The following PHACTR4 variants were observed in gnomAD, a reference collection of about 807,000 sequenced individuals.
The protein encoded by PHACTR4 is phosphatase and actin regulator 4.
PHACTR4 carries 51 observed loss-of-function variants against 72.7 expected under a neutral mutation model. The observed-to-expected ratio is 0.70, with a 90% CI of 0.56 to 0.89. The LOEUF (loss-of-function observed/expected upper bound fraction) is 0.89. PHACTR4 is among the 40% of genes least tolerant of loss of function. The pLI is 0.00. For missense variants in PHACTR4, 731 were observed against 861.8 expected (o/e 0.85, Z 1.90); for synonymous variants, 255 against 302.5 (o/e 0.84, Z 1.63).
chr1:28,487,299 G>T (rs1032944954), intron 9 of PHACTR4, among the ~76,000 whole-genome samples: 1 of 151,942 alleles, frequency 6.6e-6, no homozygotes, highest in Non-Finnish European at 1.5e-5. Context: ...CTGGGAGGCG[G>T]AGGTTGCAGT....
chr1:28,382,018 T>C (rs12127928), intron 1 of PHACTR4, among the ~76,000 whole-genome samples: 21,943 of 152,234 alleles, frequency 0.14, 1,925 homozygotes, highest in Non-Finnish European at 0.2. Context: ...TCCACCTGCC[T>C]TGGCCTCCCA....
At chr1:28,479,419 CAAAA>C (rs1019186726) in intron 8 of PHACTR4, among the ~76,000 whole-genome samples, 2 of 61,574 alleles carry the variant, frequency 3.2e-5, no homozygotes, top group Admixed American at 2.0e-4. Context: ...GACTCTGTCG[CAAAA>C]AAAAAAAAAA....
chr1:28,393,902 A>G (rs748886149), intron 1 of PHACTR4, among the ~76,000 whole-genome samples: 19 of 151,658 alleles, frequency 1.3e-4, no homozygotes, highest in African/African-American at 2.7e-4. Flanking sequence ...CTGTAGAGAC[A>G]AGGTTTTGCC....
intron 2 of PHACTR4, among the ~76,000 whole-genome samples, chr1:28,430,270 C>T (rs916119004): frequency 1.3e-5 from 2 of 152,080 alleles, no homozygotes; most frequent in Non-Finnish European, 2.9e-5. Flanking sequence ...GTGATCTGTC[C>T]GCCTCGGCCT....
chr1:28,406,135 T>C (rs1192223462), intron 1 of PHACTR4, among the ~76,000 whole-genome samples: 2 of 152,202 alleles, frequency 1.3e-5, no homozygotes. Context: ...TGTATTAAAA[T>C]TTAGGTTATG....
At chr1:28,406,850 T>TA (rs1654364526) in intron 1 of PHACTR4, among the ~76,000 whole-genome samples, 1 of 152,204 alleles carries the variant, frequency 6.6e-6, no homozygotes, top group Admixed American at 6.6e-5. Flanking sequence ...TGGATAAACT[T>TA]ACAGCTTACT....
chr1:28,480,399 C>A, intron 8 of PHACTR4, 52 bp from the exon 9 acceptor site: 1 of 1,602,130 alleles, frequency 6.2e-7, no homozygotes, highest in Non-Finnish European at 8.5e-7. Flanking sequence ...TAAGGTTGAA[C>A]CTTTGGCTTT....
rs762121195 is a variant in PHACTR4 at position 28,480,942 on chromosome 1, C to T, written c.1760+338C>T. On this transcript the variant is annotated intron_variant, in intron 9 of 13. Coordinates refer to ENST00000373839, the MANE Select transcript of PHACTR4 (RefSeq NM_001048183.3). ...GGCCTCAAGTGATCACCCACCTTGGCCTCCACAAGTGCTGGGATTACAGGC... is the reference window on the plus strand; with the variant it reads ...GGCCTCAAGTGATCACCCACCTTGGTCTCCACAAGTGCTGGGATTACAGGC... Among the ~76,000 whole-genome samples, 5 of 152,280 alleles carry T rather than the reference C, an allele frequency of 3.3e-5. 1 individual carries two copies. Among genetic ancestry groups the T allele is most frequent in the Admixed American group, 3.3e-4 (5 of 15,280 alleles).
intron 1 of PHACTR4, among the ~76,000 whole-genome samples, chr1:28,399,190 T>A (rs1461265762): frequency 6.6e-6 from 1 of 152,064 alleles, no homozygotes; most frequent in African/African-American, 2.4e-5. Context: ...CACATGCCGG[T>A]AATCTCAGCT....
At position 28,500,164 on chromosome 1, in the gene PHACTR4, T is replaced by G. The variant is rs1295775310; in HGVS notation, c.*3615T>G. ...TGTTTTTATGTATATAAAAATGGATTTTGTGTTCCCTTTCCATGTAAGTAC... is the reference window on the plus strand; with the variant it reads ...TGTTTTTATGTATATAAAAATGGATGTTGTGTTCCCTTTCCATGTAAGTAC... On this transcript the variant is annotated 3_prime_UTR_variant, in exon 14 of 14. Transcript: ENST00000373839. The G allele has an allele frequency of 6.6e-6, 1 of 152,154 alleles. No individual in the cohort carries two copies. The highest frequency in any genetic ancestry group is 2.4e-5 in the African/African-American group (1 of 41,450). The allele number at this position is 152,154 out of a possible 1,614,324, so 9.4% of individuals were successfully genotyped here. A position where few individuals can be genotyped will look rare whatever the true frequency, so the allele number is the denominator to read the frequency against.
intron 13 of PHACTR4, among the ~76,000 whole-genome samples, chr1:28,496,050 CTTTTTTTTTTT>C (rs59019895): frequency 2.3e-5 from 2 of 88,762 alleles, no homozygotes; most frequent in African/African-American, 4.8e-5. Context: ...GAGAAGAGTT[CTTTTTTTTTTT>C]TTTTTTTTTT....
chr1:28,401,756 G>A (rs1235441804), intron 1 of PHACTR4, among the ~76,000 whole-genome samples: 2 of 152,002 alleles, frequency 1.3e-5, no homozygotes, highest in African/African-American at 2.4e-5. Context: ...GCACCACCAC[G>A]CTCATCTAAT....
At chr1:28,448,061 A>G (rs1428369510) in intron 2 of PHACTR4, among the ~76,000 whole-genome samples, 2 of 152,226 alleles carry the variant, frequency 1.3e-5, no homozygotes, top group African/African-American at 2.4e-5. Flanking sequence ...TGAATGTTCT[A>G]CGTTTACAAT....
intron 9 of PHACTR4, among the ~76,000 whole-genome samples, chr1:28,484,096 G>A (rs759526757): frequency 9.9e-5 from 15 of 152,124 alleles, no homozygotes; most frequent in Non-Finnish European, 2.1e-4. Context: ...GCCGAGGCAG[G>A]TGGATCACAT....
intron 2 of PHACTR4, among the ~76,000 whole-genome samples, chr1:28,411,752 A>G (rs2124302887): frequency 6.6e-6 from 1 of 152,282 alleles, no homozygotes; most frequent in Non-Finnish European, 1.5e-5. Flanking sequence ...ATCACCACTA[A>G]AGAACGTATT....
intron 2 of PHACTR4, among the ~76,000 whole-genome samples, chr1:28,424,051 T>G (rs1655677798): frequency 6.6e-6 from 1 of 152,076 alleles, no homozygotes; most frequent in Admixed American, 6.6e-5. Flanking sequence ...CCAGGAAACA[T>G]AAATCAAGGA....
intron 2 of PHACTR4, among the ~76,000 whole-genome samples, chr1:28,411,558 CAGTGTCATTT>C (rs1456327650): frequency 9.9e-5 from 15 of 152,186 alleles, no homozygotes; most frequent in African/African-American, 3.6e-4. Context: ...TTGGTGTACT[CAGTGTCATTT>C]GACAAAGAAA....
intron 1 of PHACTR4, among the ~76,000 whole-genome samples, chr1:28,387,714 C>G (rs1652669546): frequency 6.7e-6 from 1 of 150,078 alleles, no homozygotes; most frequent in Admixed American, 6.6e-5. Flanking sequence ...TAGCAAGACA[C>G]TGTCTCTACA....
intron 2 of PHACTR4, among the ~76,000 whole-genome samples, chr1:28,436,175 G>C (rs1326038318): frequency 6.6e-6 from 1 of 152,160 alleles, no homozygotes; most frequent in Non-Finnish European, 1.5e-5. Flanking sequence ...GGAAAGTTCA[G>C]ATGCTAGAAA....
Sources: gnomAD v4.1 joint callset for allele counts (sites outside exome capture counted in the v4.1 genomes callset) on GRCh38, gnomAD v4.1.1 for gene constraint, MANE v1.5 for transcripts, NCBI Gene and HGNC (gene_info 2026-07-23, HGNC 2026-07-21) for gene names.